The following PIPOX variants were observed in gnomAD, a reference collection of about 807,000 sequenced individuals.
PIPOX encodes peroxisomal sarcosine oxidase.
A neutral mutation model predicts 47.9 loss-of-function variants in PIPOX; 45 were observed. The observed-to-expected ratio is 0.94, with a 90% CI of 0.74 to 1.20. PIPOX has a LOEUF of 1.20. Among genes scored for constraint, PIPOX ranks in the 50% most tolerant of loss-of-function variants. PIPOX has a pLI of 0.00. For synonymous variants in PIPOX, 165 were observed against 191.3 expected (o/e 0.86, Z 1.13); for missense variants, 458 against 498.4 (o/e 0.92, Z 0.77).
intron 3 of PIPOX, 30 bp downstream of exon 3, chr17:29,053,163 G>C: frequency 6.3e-7 from 1 of 1,580,384 alleles, no homozygotes; most frequent in Non-Finnish European, 8.7e-7. Context: ...GGGCGATGCA[G>C]GTGCTCCCTG....
intron 2 of PIPOX, among the ~76,000 whole-genome samples, chr17:29,047,162 C>T (rs1246216731): frequency 2.6e-5 from 4 of 152,144 alleles, no homozygotes; most frequent in Non-Finnish European, 5.9e-5. Context: ...TGGTGGACAC[C>T]TGTAATCACA....
Position 29,053,443 on chromosome 17 carries a change from C to T in PIPOX, c.508C>T (p.Arg170Cys), listed in dbSNP as rs766438627. The change falls in exon 4 of 8, where the codon CGT becomes TGT. Residue 170 changes from arginine (R) to cysteine (C), a missense_variant. Physicochemically the swap from Arg to Cys is radical, Grantham distance 180. Transcript: ENST00000323372. ...DAIRQLGGIV[R>C]DGEKVVEINP... is the part of the protein sequence containing the mutation. ...AATTCGACAGCTAGGAGGCATAGTGCGTGACGGAGAGAAGGTGGTGGAGAT... is the reference window on the plus strand; with the variant it reads ...AATTCGACAGCTAGGAGGCATAGTGTGTGACGGAGAGAAGGTGGTGGAGAT... 3.5e-5 allele frequency: 56 copies of T among 1,613,794 alleles called. No individual in the cohort carries two copies. The highest frequency in any genetic ancestry group is 1.1e-4 in the East Asian group (5 of 44,884).
chr17:29,045,924 A>T (rs2065784103), intron 2 of PIPOX, among the ~76,000 whole-genome samples: 1 of 151,820 alleles, frequency 6.6e-6, no homozygotes, highest in African/African-American at 2.4e-5. Flanking sequence ...CCTTTCAAAC[A>T]CTCATGGGAA....
chr17:29,053,415 TG>T lies in PIPOX; in HGVS notation c.481del (p.Ala161GlnfsTer5). The T allele has an allele frequency of 6.2e-7, 1 of 1,608,158 alleles. No homozygotes were observed. Among genetic ancestry groups the T allele is most frequent in the Non-Finnish European group, 8.5e-7 (1 of 1,175,676 alleles). The stretch of plus-strand genomic sequence containing the variant: ...TTTCCCTGCTCCTGCCCTTTCAGGA[TG>T]CAATTCGACAGCTAGGAGGCATAGT... Reference protein sequence around the residue: ...AYKALRALQDAIRQLGGIVRD... With the variant: ...AYKALRALQDXIRQLGGIVRD... On this transcript the variant is annotated frameshift_variant, in exon 4 of 8. Coordinates refer to ENST00000323372, the MANE Select transcript of PIPOX (RefSeq NM_016518.3). LOFTEE classifies it high-confidence loss of function.
chr17:29,050,281 A>T (rs145071291), intron 2 of PIPOX, among the ~76,000 whole-genome samples: 2 of 152,356 alleles, frequency 1.3e-5, no homozygotes, highest in South Asian at 4.1e-4. Context: ...TTCACATTAC[A>T]TCTGCTTAGG....
At chr17:29,055,026 A>G (rs1344908578) in intron 5 of PIPOX, 37 bp from the exon 6 acceptor site, 1 of 1,613,076 alleles carries the variant, frequency 6.2e-7, no homozygotes, top group Non-Finnish European at 8.5e-7. Context: ...GTGGAAGGCC[A>G]GCCCTCACCA....
chr17:29,043,952 T>C (rs1205866344), intron 1 of PIPOX, among the ~76,000 whole-genome samples: 1 of 152,220 alleles, frequency 6.6e-6, no homozygotes, highest in Non-Finnish European at 1.5e-5. Flanking sequence ...GTGGGCCCTG[T>C]GTGTCTGCAG....
chr17:29,046,520 T>C (rs2065786137), intron 2 of PIPOX: 1 of 883,708 alleles, frequency 1.1e-6, no homozygotes, highest in African/African-American at 1.8e-5. Context: ...ATGAGACTTT[T>C]GTGAAATACT....
chr17:29,055,984 G>A (rs1424253588), intron 7 of PIPOX, 96 bp downstream of exon 7: 19 of 1,324,282 alleles, frequency 1.4e-5, no homozygotes, highest in African/African-American at 1.3e-4. Flanking sequence ...GCCCAGATAG[G>A]TGTGAAGCCT....
intron 1 of PIPOX, 89 bp downstream of exon 1, chr17:29,043,428 G>C: frequency 1.1e-6 from 1 of 880,474 alleles, no homozygotes; most frequent in South Asian, 1.6e-5. Context: ...AGGCTACAGG[G>C]CAAGGCCAAA....
Position 29,044,984 on chromosome 17 carries a change from C to T in PIPOX, c.240C>T (p.His80=), listed in dbSNP as rs777909741. 15 of 1,610,198 alleles carry T rather than the reference C, an allele frequency of 9.3e-6. No homozygotes were observed. The highest frequency in any genetic ancestry group is 2.7e-5 in the African/African-American group (2 of 74,750). ...ECYQIWAQLE[H]EAGTQLHRQT... ...ATCAGATATGGGCCCAGCTGGAGCA[C>T]GAGGCTGGAACCCAATTGCACAGGT... The change falls in exon 2 of 8, where the codon CAC becomes CAT. Residue 80 remains histidine, a synonymous_variant. Transcript: ENST00000323372.
chr17:29,056,228 A>G lies in PIPOX; in HGVS notation c.1096A>G (p.Met366Val), dbSNP rs1284600911. Residue 366 changes from methionine (M) to valine (V), a missense_variant, in exon 8 of 8, where the codon ATG becomes GTG. By Grantham distance (21) the Met-to-Val change is conservative (BLOSUM62 1). Transcript: ENST00000323372. ...VVGKILYELS[M>V]KLTPSYDLAP... ...GGGGAAGATCCTGTATGAATTAAGC[A>G]TGAAATTAACACCATCTTATGACTT... The G allele has an allele frequency of 6.2e-7, 1 of 1,614,082 alleles. No homozygotes were observed. The highest frequency in any genetic ancestry group is 8.5e-7 in the Non-Finnish European group (1 of 1,180,030).
At chr17:29,054,777 T>C (rs2065820700) in intron 5 of PIPOX, 86 bp downstream of exon 5, 1 of 1,473,640 alleles carries the variant, frequency 6.8e-7, no homozygotes, top group Admixed American at 1.9e-5. Flanking sequence ...TAGATGCCCT[T>C]GGGTCTCGGG....
Position 29,043,342 on chromosome 17 carries a change from A to G in PIPOX, c.114+3A>G, listed in dbSNP as rs112226387. ...AGAGGATCCTCCTGCTGGAGCAGGTACTGTGTCCCTTCTGCACCCCCAGCT... is the reference window on the plus strand; with the variant it reads ...AGAGGATCCTCCTGCTGGAGCAGGTGCTGTGTCCCTTCTGCACCCCCAGCT... On this transcript the variant is annotated splice_donor_region_variant and intron_variant, in intron 1 of 7. Transcript: ENST00000323372. The G allele has an allele frequency of 1.2e-6, 2 of 1,601,440 alleles. No homozygotes were observed. The highest frequency in any genetic ancestry group is 2.2e-5 in the East Asian group (1 of 44,796).
intron 1 of PIPOX, 21 bp from the exon 2 acceptor site, chr17:29,044,838 T>G (rs750219976): frequency 1.2e-6 from 2 of 1,600,024 alleles, no homozygotes; most frequent in Non-Finnish European, 1.7e-6. Context: ...TTCCATCATC[T>G]CTCTTGTTTT....
Position 29,054,717 on chromosome 17 carries a change from A to G in PIPOX, c.807+26A>G, listed in dbSNP as rs755918082. The G allele has an allele frequency of 3.1e-6, 5 of 1,610,154 alleles. No homozygotes were observed. The East Asian group carries it at 1.1e-4, about 36-fold the overall frequency. ...GTGAGCGGAAAGACCGAGATAAGGCAGGTAGATGCCAGTGCAGATTAGGGG... is the reference window on the plus strand; with the variant it reads ...GTGAGCGGAAAGACCGAGATAAGGCGGGTAGATGCCAGTGCAGATTAGGGG... On this transcript the variant is annotated intron_variant, in intron 5 of 7. Coordinates refer to ENST00000323372, the MANE Select transcript of PIPOX (RefSeq NM_016518.3).
rs1052113795 is a variant in PIPOX, at chr17:29,053,438, T to C, written c.503T>C (p.Ile168Thr). Residue 168 changes from isoleucine (I) to threonine (T), a missense_variant, in exon 4 of 8, where the codon ATA becomes ACA. Physicochemically the swap from Ile to Thr is moderately conservative, Grantham distance 89 (BLOSUM62 -1). Coordinates refer to ENST00000323372, the MANE Select transcript of PIPOX (RefSeq NM_016518.3). ...GATGCAATTCGACAGCTAGGAGGCA[T>C]AGTGCGTGACGGAGAGAAGGTGGTG... ...LQDAIRQLGGIVRDGEKVVEI... is the reference protein window; with the variant it reads ...LQDAIRQLGGTVRDGEKVVEI... The C allele has an allele frequency of 1.2e-5, 19 of 1,613,270 alleles. 1 individual carries two copies. The African/African-American group carries it at 2.4e-4, about 20-fold the overall frequency.
intron 2 of PIPOX, among the ~76,000 whole-genome samples, chr17:29,046,183 T>C (rs2065784940): frequency 6.6e-6 from 1 of 152,230 alleles, no homozygotes; most frequent in Non-Finnish European, 1.5e-5. Context: ...AGGCAGCTAA[T>C]GCACCCAGCA....
Position 29,053,029 on chromosome 17 carries a change from C to A in PIPOX, c.373C>A (p.Leu125Met). The change falls in exon 3 of 8, where the codon CTG becomes ATG. Residue 125 changes from leucine (L) to methionine (M), a missense_variant. Coordinates refer to ENST00000323372, the MANE Select transcript of PIPOX (RefSeq NM_016518.3). Reference sequence around the variant, plus strand: ...ACACCAGTGTCTTTCATCTGAGGAACTGAAGCAACGTTTCCCAAATATTCG... The same window carrying A: ...ACACCAGTGTCTTTCATCTGAGGAAATGAAGCAACGTTTCCCAAATATTCG... ...VEHQCLSSEELKQRFPNIRLP... is the reference protein window; with the variant it reads ...VEHQCLSSEEMKQRFPNIRLP... The A allele has an allele frequency of 1.2e-6, 2 of 1,614,256 alleles. No homozygotes were observed. Among genetic ancestry groups the A allele is most frequent in the Non-Finnish European group, 1.7e-6 (2 of 1,180,036 alleles).
Sources: gnomAD v4.1 joint callset for allele counts (sites outside exome capture counted in the v4.1 genomes callset) on GRCh38, gnomAD v4.1.1 for gene constraint, MANE v1.5 for transcripts, NCBI Gene and HGNC (gene_info 2026-07-23, HGNC 2026-07-21) for gene names.